The following RHBDL3 variants were observed in gnomAD, a reference collection of about 807,000 sequenced individuals.
The protein encoded by RHBDL3 is rhomboid-related protein 3.
A neutral mutation model predicts 48.2 loss-of-function variants in RHBDL3; 28 were observed. That is an observed-to-expected ratio of 0.58 (90% CI 0.43 to 0.80). The LOEUF is 0.80. RHBDL3 is among the 30% of genes least tolerant of loss of function. The pLI, the probability that RHBDL3 is intolerant of heterozygous loss-of-function variation, is 0.00. For synonymous variants in RHBDL3, 208 were observed against 232.3 expected, an observed-to-expected ratio of 0.90 and a Z score of 0.95; for missense variants, 464 against 542.7, an observed-to-expected ratio of 0.85 and a Z score of 1.44.
Position 32,321,223 on chromosome 17 carries a change from C to T in RHBDL3, c.1209C>T (p.Pro403=), listed in dbSNP as rs763971942. ...YTLLDLKLPP[P]P is the part of the protein sequence containing the mutation. ...TGCTGGACTTAAAGCTGCCGCCTCC[C>T]CCCTGAGGGCTGGAGGCCCAAGGTC... The change falls in exon 9 of 9, where the codon CCC becomes CCT. Residue 403 remains proline (P), a synonymous_variant. Coordinates refer to ENST00000269051, the MANE Select transcript of RHBDL3 (RefSeq NM_138328.3). 3.1e-5 allele frequency: 50 copies of T among 1,614,082 alleles called. No homozygotes were observed. The highest frequency in any genetic ancestry group is 3.9e-5 in the Non-Finnish European group (46 of 1,180,024).
intron 3 of RHBDL3, among the ~76,000 whole-genome samples, chr17:32,285,386 A>G (rs2040172955): frequency 6.6e-6 from 1 of 151,902 alleles, no homozygotes; most frequent in Non-Finnish European, 1.5e-5. Flanking sequence ...TGGTAGGAGA[A>G]GGGGCTGGGG....
intron 5 of RHBDL3, among the ~76,000 whole-genome samples, chr17:32,296,774 T>TA (rs1491503949): frequency 4.8e-5 from 7 of 145,018 alleles, no homozygotes; most frequent in Non-Finnish European, 1.1e-4. Flanking sequence ...CCCGTAGCTC[T>TA]TTTTTATTTT....
intron 6 of RHBDL3, among the ~76,000 whole-genome samples, chr17:32,299,282 C>T (rs1448964275): frequency 5.9e-5 from 9 of 152,200 alleles, no homozygotes; most frequent in Non-Finnish European, 1.2e-4. Context: ...CCCACCCACA[C>T]GAGGCTGGTC....
intron 8 of RHBDL3, among the ~76,000 whole-genome samples, chr17:32,320,664 G>A (rs183097205): frequency 4.6e-5 from 7 of 152,328 alleles, no homozygotes; most frequent in African/African-American, 2.4e-5. Context: ...GACTCCCCGG[G>A]CTAAAGAATT....
At chr17:32,317,033 A>G (rs923032841) in intron 8 of RHBDL3, among the ~76,000 whole-genome samples, 1 of 151,480 alleles carries the variant, frequency 6.6e-6, no homozygotes, top group African/African-American at 2.4e-5. Flanking sequence ...CACCACGCCC[A>G]GCTACTTTTT....
chr17:32,267,676 T>G, intron 1 of RHBDL3: 3 of 127,012 alleles, frequency 2.4e-5, no homozygotes, highest in Non-Finnish European at 3.9e-5. Flanking sequence ...CCCCACCCCA[T>G]CCCTTACTGT....
rs79581529 is a variant in RHBDL3 at position 32,270,745 on chromosome 17, A to ACT, written c.135+2822_135+2823dup. Among the ~76,000 whole-genome samples, 506 of 152,006 alleles carry ACT rather than the reference A, an allele frequency of 3.3e-3. 9 individuals carry two copies. The East Asian group carries it at 0.051, about 15-fold the overall frequency. On this transcript the variant is annotated intron_variant, in intron 2 of 8. Coordinates refer to ENST00000269051, the MANE Select transcript of RHBDL3 (RefSeq NM_138328.3). ...GGGAGACCTGAGGGTCATCAGTTCA[A>ACT]CTCGGTATGTTCCATGTGTTCATGT...
At chr17:32,319,638 A>G (rs1368057163) in intron 8 of RHBDL3, among the ~76,000 whole-genome samples, 5 of 152,070 alleles carry the variant, frequency 3.3e-5, no homozygotes. Flanking sequence ...CCATCCTTGG[A>G]GTTGCAGGGC....
chr17:32,302,752 G>C (rs1311301468), intron 6 of RHBDL3, among the ~76,000 whole-genome samples: 1 of 151,976 alleles, frequency 6.6e-6, no homozygotes, highest in African/African-American at 2.4e-5. Flanking sequence ...TTCCAGAATC[G>C]GGACCCGAGC....
chr17:32,287,445 T>A (rs1242671226), intron 3 of RHBDL3, among the ~76,000 whole-genome samples: 1 of 152,072 alleles, frequency 6.6e-6, no homozygotes, highest in Non-Finnish European at 1.5e-5. Flanking sequence ...ATGGAGAGAA[T>A]GGGGATAGAG....
At chr17:32,286,614 T>C (rs1029949993) in intron 3 of RHBDL3, among the ~76,000 whole-genome samples, 1 of 152,228 alleles carries the variant, frequency 6.6e-6, no homozygotes, top group Non-Finnish European at 1.5e-5. Flanking sequence ...TCTCTTAATG[T>C]TCTTCCACCA....
chr17:32,284,041 A>G (rs1390366994), intron 2 of RHBDL3: 1 of 152,394 alleles, frequency 6.6e-6, no homozygotes, highest in East Asian at 1.9e-4. Context: ...CACGGTGTAA[A>G]ACACACAGAC....
chr17:32,282,826 G>A (rs1480094215), intron 2 of RHBDL3, among the ~76,000 whole-genome samples: 6 of 152,134 alleles, frequency 3.9e-5, no homozygotes, highest in Non-Finnish European at 7.4e-5. Flanking sequence ...GTTTCACCGT[G>A]TTAGCCAGGA....
intron 8 of RHBDL3, among the ~76,000 whole-genome samples, chr17:32,317,226 C>A (rs2040997945): frequency 6.6e-6 from 1 of 152,140 alleles, no homozygotes; most frequent in South Asian, 2.1e-4. Context: ...CAGAAAAGTG[C>A]TTAAGGACCA....
intron 5 of RHBDL3, among the ~76,000 whole-genome samples, chr17:32,295,637 G>A (rs1301991943): frequency 6.6e-6 from 1 of 152,190 alleles, no homozygotes. Context: ...GTGCCTCAGG[G>A]TGAGGAAGGA....
chr17:32,268,002 T>A, intron 2 of RHBDL3, 77 bp downstream of exon 2: 1 of 1,116,736 alleles, frequency 9.0e-7, no homozygotes, highest in East Asian at 2.3e-5. Flanking sequence ...TGCGTGGGCT[T>A]CCCTAGCTCC....
intron 2 of RHBDL3, among the ~76,000 whole-genome samples, chr17:32,279,862 G>T (rs983840764): frequency 1.3e-5 from 2 of 152,174 alleles, no homozygotes; most frequent in African/African-American, 2.4e-5. Context: ...CCTTGCCCCA[G>T]ACTGGGGAAG....
chr17:32,300,021 C>T (rs1843142288), intron 6 of RHBDL3, among the ~76,000 whole-genome samples: 1 of 152,170 alleles, frequency 6.6e-6, no homozygotes, highest in Admixed American at 6.5e-5. Context: ...CTACCATATG[C>T]AGGCCGTAAT....
At chr17:32,271,625 C>T (rs1230630876) in intron 2 of RHBDL3, among the ~76,000 whole-genome samples, 1 of 152,134 alleles carries the variant, frequency 6.6e-6, no homozygotes, top group African/African-American at 2.4e-5. Flanking sequence ...TCCAGGTTTA[C>T]CCTTAAAAAT....
Sources: gnomAD v4.1 joint callset for allele counts (sites outside exome capture counted in the v4.1 genomes callset) on GRCh38, gnomAD v4.1.1 for gene constraint, MANE v1.5 for transcripts, NCBI Gene and HGNC (gene_info 2026-07-23, HGNC 2026-07-21) for gene names.